Variants in AOPEP observed in about 807,000 individuals in gnomAD.
AOPEP encodes aminopeptidase O (putative), also known as aminopeptidase O.
Under a neutral mutation model 98.1 loss-of-function variants are expected in AOPEP, and 77 were observed. The ratio of observed to expected loss-of-function variants is 0.78; its 90% confidence interval spans 0.65 to 0.95. The LOEUF (loss-of-function observed/expected upper bound fraction) is 0.95, where lower values mean the gene tolerates loss of function less well. Ranked by LOEUF, AOPEP falls within the 40% of genes least tolerant of loss-of-function variation. The probability of loss-of-function intolerance (pLI) is 0.00; values close to 1 mark genes in which losing one functional copy is unlikely to be tolerated. For missense variants in AOPEP, 1,024 were observed against 1,024.7 expected (o/e 1.00, Z 0.01); for synonymous variants, 346 against 365.3 (o/e 0.95, Z 0.60).
At chr9:94,952,691 G>T (rs1040259826) in intron 7 of AOPEP, among the ~76,000 whole-genome samples, 15 of 152,196 alleles carry the variant, frequency 9.9e-5, no homozygotes, top group Admixed American at 2.0e-4. Context: ...GAAGTTTCCT[G>T]TTTCCATTCA....
At chr9:94,737,398 C>G (rs1587964355) in intron 1 of AOPEP, among the ~76,000 whole-genome samples, 1 of 152,344 alleles carries the variant, frequency 6.6e-6, no homozygotes, top group South Asian at 2.1e-4. Flanking sequence ...GTGTGAGCCA[C>G]TGTGCCCAGC....
chr9:95,090,880 T>C (rs548039372), downstream of AOPEP, among the ~76,000 whole-genome samples: 4 of 152,268 alleles, frequency 2.6e-5, no homozygotes, highest in East Asian at 1.9e-4. Context: ...ACTGAAATAA[T>C]AGCCTCCATG....
chr9:95,142,927 A>T, the AOPEP span, among the ~76,000 whole-genome samples: 17 of 152,248 alleles, frequency 1.1e-4, no homozygotes, highest in South Asian at 1.9e-3. Context: ...GTGTCCAGTG[A>T]TTCAATTCTG....
chr9:95,057,518 G>A (rs2066930588), intron 13 of AOPEP, among the ~76,000 whole-genome samples: 1 of 152,210 alleles, frequency 6.6e-6, no homozygotes, highest in South Asian at 2.1e-4. Context: ...TTTGTAGGGT[G>A]GCTTTACGGG....
intron 7 of AOPEP, among the ~76,000 whole-genome samples, chr9:94,945,963 T>G (rs2057571019): frequency 6.6e-6 from 1 of 152,180 alleles, no homozygotes; most frequent in South Asian, 2.1e-4. Context: ...TGAGTCACTA[T>G]GATCACCTTA....
chr9:94,880,418 G>A, intron 5 of AOPEP, among the ~76,000 whole-genome samples: 1 of 142,032 alleles, frequency 7.0e-6, no homozygotes, highest in Non-Finnish European at 1.5e-5. Flanking sequence ...CCAGGCTGGA[G>A]TGCCATGGCG....
chr9:94,792,838 G>C lies in AOPEP; in HGVS notation c.1038G>C (p.Trp346Cys), dbSNP rs200376547. The C allele has an allele frequency of 6.2e-6, 10 of 1,613,790 alleles. No individual in the cohort carries two copies. In the Admixed American group the frequency reaches 1.3e-4, roughly 22 times the overall value. ...CCTTCACAATTGCAGTGGGATGCTG[G>C]ACAGAAATGAAGATGGAGACATGGT... The part of the protein sequence containing the change: ...ASTFTIAVGC[W>C]TEMKMETWSS... Residue 346 changes from tryptophan to cysteine, a missense_variant, in exon 4 of 17, where the codon TGG (tryptophan) becomes TGC (cysteine). This residue lies in a region of AOPEP where 440 missense variants were observed against 433.8 expected (regional missense o/e 1.01). Transcript: ENST00000375315.
intron 11 of AOPEP, among the ~76,000 whole-genome samples, chr9:94,990,864 G>A (rs1268480954): frequency 2.6e-5 from 4 of 152,150 alleles, no homozygotes; most frequent in Non-Finnish European, 5.9e-5. Flanking sequence ...CTGACCTCAG[G>A]TGATCCTCCT....
At chr9:95,138,241 G>GTTGGC in the AOPEP span, among the ~76,000 whole-genome samples, 1 of 152,224 alleles carries the variant, frequency 6.6e-6, no homozygotes, top group Non-Finnish European at 1.5e-5. Context: ...ACAGGACCAC[G>GTTGGC]TTGGCTCTGA....
intron 2 of AOPEP, among the ~76,000 whole-genome samples, chr9:94,762,507 T>G (rs1838582905): frequency 6.6e-6 from 1 of 151,926 alleles, no homozygotes; most frequent in Non-Finnish European, 1.5e-5. Flanking sequence ...CTCCTTCAAA[T>G]GATAAATTTA....
chr9:95,149,248 T>C, the AOPEP span, among the ~76,000 whole-genome samples: 1 of 152,208 alleles, frequency 6.6e-6, no homozygotes, highest in Middle Eastern at 3.4e-3. Flanking sequence ...CTTGGGAATG[T>C]ATGAACACAA....
chr9:95,086,572 T>C, intron 16 of AOPEP, 110 bp from the exon 17 acceptor site: 3 of 994,682 alleles, frequency 3.0e-6, no homozygotes, highest in Non-Finnish European at 3.6e-6. Flanking sequence ...CCTTGTCCTG[T>C]GATTAAAGTC....
chr9:95,098,320 C>G, the AOPEP span, among the ~76,000 whole-genome samples: 3 of 152,044 alleles, frequency 2.0e-5, no homozygotes, highest in Non-Finnish European at 2.9e-5. Flanking sequence ...TTCCTCCCAT[C>G]CCCTGGACTA....
chr9:95,080,650 GC>G, intron 14 of AOPEP, 43 bp from the exon 15 acceptor site: 1 of 1,467,462 alleles, frequency 6.8e-7, no homozygotes, highest in South Asian at 1.1e-5. Flanking sequence ...GGGCTGGGAT[GC>G]CTGCCTGCTT....
In AOPEP at chr9:95,081,903, T is replaced by G. The variant is rs536293399; in HGVS notation, c.2320-672T>G. On this transcript the variant is annotated intron_variant, in intron 15 of 16. Coordinates refer to ENST00000375315, the MANE Select transcript of AOPEP (RefSeq NM_001193329.3). The stretch of plus-strand genomic sequence containing the variant: ...CATAACTAAGCATGGCACAAGAGAG[T>G]AGACAGATCCAGATGGGCCCTTGGG... Among the ~76,000 whole-genome samples, 26 of 152,030 alleles carry G rather than the reference T, an allele frequency of 1.7e-4. No individual in the cohort carries two copies. In the East Asian group the frequency reaches 4.6e-3, roughly 27 times the overall value.
At chr9:94,821,144 G>C (rs1853008140) in intron 5 of AOPEP, among the ~76,000 whole-genome samples, 1 of 148,302 alleles carries the variant, frequency 6.7e-6, no homozygotes, top group Non-Finnish European at 1.5e-5. Context: ...TTCTGGTTAA[G>C]AGAAGTAAGT....
the AOPEP span, among the ~76,000 whole-genome samples, chr9:95,137,414 T>C: frequency 2.4e-3 from 372 of 152,008 alleles, 2 homozygotes; most frequent in African/African-American, 8.6e-3. Context: ...CCTCAGAGCC[T>C]CCTGATCTCA....
chr9:94,961,784 C>T (rs1458201966), intron 9 of AOPEP, among the ~76,000 whole-genome samples: 5 of 152,066 alleles, frequency 3.3e-5, no homozygotes, highest in East Asian at 1.9e-4. Flanking sequence ...TTCTTCAAGG[C>T]GGGATTCCTT....
downstream of AOPEP, among the ~76,000 whole-genome samples, chr9:95,088,957 C>A (rs2070827329): frequency 1.3e-5 from 2 of 152,192 alleles, no homozygotes. Context: ...TGCCTCCAGA[C>A]CTGGGGGCAC....
Sources: gnomAD v4.1 joint callset for allele counts (sites outside exome capture counted in the v4.1 genomes callset) on GRCh38, gnomAD v4.1.1 for gene constraint, gnomAD v4.1.1 regional missense constraint, MANE v1.5 for transcripts, NCBI Gene and HGNC (gene_info 2026-07-23, HGNC 2026-07-21) for gene names.